Variants in NBAS observed in about 807,000 individuals in gnomAD.
NBAS encodes NAG/BC035112 fusion.
A neutral mutation model predicts 302.5 loss-of-function variants in NBAS; 219 were observed. The ratio of observed to expected loss-of-function variants is 0.72; its 90% CI spans 0.65 to 0.81. The LOEUF is 0.81. Among genes scored for constraint, NBAS ranks in the 30% least tolerant of loss-of-function variants. The pLI is 0.00. For synonymous variants in NBAS, 1,118 were observed against 1,021.6 expected, an observed-to-expected ratio of 1.09 and a Z score of -1.80; for missense variants, 2,932 against 2,841.6, an observed-to-expected ratio of 1.03 and a Z score of -0.72.
intron 38 of NBAS, among the ~76,000 whole-genome samples, chr2:15,313,216 A>G (rs1206903301): frequency 6.6e-6 from 1 of 152,202 alleles, no homozygotes; most frequent in Non-Finnish European, 1.5e-5. Flanking sequence ...CTGCTATCCA[A>G]ACTCTCTGCC....
chr2:15,266,242 AGT>A (rs1669071407), intron 44 of NBAS, among the ~76,000 whole-genome samples: 1 of 152,198 alleles, frequency 6.6e-6, no homozygotes, highest in Admixed American at 6.5e-5. Context: ...TAAATTACCC[AGT>A]CTCAGGTATT....
the NBAS span, among the ~76,000 whole-genome samples, chr2:14,956,276 G>A: frequency 2.0e-5 from 3 of 152,152 alleles, no homozygotes; most frequent in Non-Finnish European, 2.9e-5. Context: ...GCCATTCAAC[G>A]AGTCTCCAGG....
At chr2:15,290,872 G>C (rs564233235) in intron 41 of NBAS, among the ~76,000 whole-genome samples, 1 of 152,070 alleles carries the variant, frequency 6.6e-6, no homozygotes, top group Non-Finnish European at 1.5e-5. Flanking sequence ...GCCATGCCTC[G>C]TTCTAAAGAT....
intron 42 of NBAS, among the ~76,000 whole-genome samples, chr2:15,283,131 G>T (rs1669896143): frequency 6.6e-6 from 1 of 152,096 alleles, no homozygotes; most frequent in South Asian, 2.1e-4. Context: ...ACACTATGCT[G>T]GGAATACAAA....
At chr2:15,478,974 A>G (rs905098233) in intron 12 of NBAS, among the ~76,000 whole-genome samples, 2 of 152,200 alleles carry the variant, frequency 1.3e-5, no homozygotes, top group African/African-American at 4.8e-5. Context: ...GAGTAAAAAA[A>G]TAGTTGGGGT....
chr2:15,275,717 G>C lies in NBAS; in HGVS notation c.5491C>G (p.Pro1831Ala). Reference protein sequence around the residue: ...QNILSISKLVPKIPEKDGQML... With the variant: ...QNILSISKLVAKIPEKDGQML... ...TGTCCATCCTTTTCAGGGATTTTGG[G>C]AACAAGTTTGGAAATAGACAAGATA... The change falls in exon 44 of 52, where the codon CCC becomes GCC. Residue 1831 changes from proline (P) to alanine (A), a missense_variant. Transcript: ENST00000281513. 6.2e-7 allele frequency: 1 copy of C among 1,614,144 alleles called. No homozygotes were observed. The highest frequency in any genetic ancestry group is 1.1e-5 in the South Asian group (1 of 91,070).
At chr2:15,422,171 C>T (rs1309579035) in intron 23 of NBAS, among the ~76,000 whole-genome samples, 1 of 152,206 alleles carries the variant, frequency 6.6e-6, no homozygotes, top group South Asian at 2.1e-4. Flanking sequence ...GATCTTTTCA[C>T]TGACTCCATA....
At chr2:15,347,492 A>G (rs1673149688) in intron 35 of NBAS, among the ~76,000 whole-genome samples, 1 of 152,222 alleles carries the variant, frequency 6.6e-6, no homozygotes, top group African/African-American at 2.4e-5. Context: ...ATATTTCTAA[A>G]CAATAATTTT....
At chr2:15,097,949 G>GTATATAATATATATTATA in the NBAS span, among the ~76,000 whole-genome samples, 1 of 101,520 alleles carries the variant, frequency 9.9e-6, no homozygotes, top group African/African-American at 3.8e-5. Flanking sequence ...ATATTATATT[G>GTATATAATATATATTATA]TATATAATAT....
At chr2:15,452,911 T>C (rs11674618) in intron 21 of NBAS, among the ~76,000 whole-genome samples, 91,927 of 151,988 alleles carry the variant, frequency 0.6, 28,800 homozygotes, top group Non-Finnish European at 0.68. Context: ...CATCATTTCA[T>C]GTATGCACTA....
intron 9 of NBAS, among the ~76,000 whole-genome samples, chr2:15,522,353 C>T (rs962888161): frequency 2.0e-5 from 3 of 152,100 alleles, no homozygotes; most frequent in Admixed American, 6.6e-5. Flanking sequence ...TAACATAAAT[C>T]TCAAGTTTTG....
the NBAS span, among the ~76,000 whole-genome samples, chr2:15,079,964 C>T: frequency 1.3e-5 from 2 of 152,074 alleles, no homozygotes; most frequent in African/African-American, 2.4e-5. Flanking sequence ...ACAAATAAGC[C>T]GTGCTTTTCT....
intron 24 of NBAS, among the ~76,000 whole-genome samples, chr2:15,416,329 C>T (rs538490835): frequency 6.6e-6 from 1 of 152,266 alleles, no homozygotes; most frequent in South Asian, 2.1e-4. Flanking sequence ...TTCCAAATGA[C>T]AGAGATAGTT....
At chr2:15,340,398 G>A (rs912290849) in intron 35 of NBAS, among the ~76,000 whole-genome samples, 3 of 152,124 alleles carry the variant, frequency 2.0e-5, no homozygotes, top group South Asian at 4.1e-4. Flanking sequence ...GTTCTATTTC[G>A]TGACATGGGA....
At chr2:15,134,260 T>C in the NBAS span, among the ~76,000 whole-genome samples, 1 of 152,158 alleles carries the variant, frequency 6.6e-6, no homozygotes, top group African/African-American at 2.4e-5. Flanking sequence ...TCTCACCTCC[T>C]TTCTGCCCTG....
chr2:15,253,071 G>C (rs1265519845), intron 44 of NBAS, among the ~76,000 whole-genome samples: 1 of 152,072 alleles, frequency 6.6e-6, no homozygotes, highest in African/African-American at 2.4e-5. Flanking sequence ...ACAGAATGAG[G>C]AATTAATTAA....
chr2:15,029,476 A>G, the NBAS span, among the ~76,000 whole-genome samples: 1 of 152,142 alleles, frequency 6.6e-6, no homozygotes, highest in Non-Finnish European at 1.5e-5. Context: ...GAAAGGGGGG[A>G]AAATGAGGTA....
chr2:15,324,725 C>T (rs769248208), intron 38 of NBAS, among the ~76,000 whole-genome samples: 11 of 152,212 alleles, frequency 7.2e-5, no homozygotes, highest in Middle Eastern at 3.4e-3. Flanking sequence ...ACAGGTGGCT[C>T]GAGGACCTCT....
At chr2:15,013,004 T>C in the NBAS span, among the ~76,000 whole-genome samples, 35 of 152,156 alleles carry the variant, frequency 2.3e-4, no homozygotes, top group African/African-American at 8.0e-4. Context: ...ATTACTGGCA[T>C]CCGCCACCAT....
Sources: gnomAD v4.1 joint callset for allele counts (sites outside exome capture counted in the v4.1 genomes callset) on GRCh38, gnomAD v4.1.1 for gene constraint, MANE v1.5 for transcripts, NCBI Gene and HGNC (gene_info 2026-07-23, HGNC 2026-07-21) for gene names.